The following GAL3ST2 variants were observed in gnomAD, a reference collection of about 807,000 sequenced individuals.
The protein encoded by GAL3ST2 is beta-galactose-3-O-sulfotransferase 2.
Under a neutral mutation model 12.9 loss-of-function variants are expected in GAL3ST2, and 16 were observed. That is an observed-to-expected ratio of 1.24 (90% CI 0.84 to 1.88). The LOEUF is 1.88. Ranked by LOEUF, GAL3ST2 falls within the 40% of genes most tolerant of loss-of-function variation. The probability of loss-of-function intolerance (pLI) is 0.00; values close to 1 mark genes in which losing one functional copy is unlikely to be tolerated. For missense variants in GAL3ST2, 639 were observed against 571.8 expected, an observed-to-expected ratio of 1.12 and a Z score of -1.20; for synonymous variants, 302 against 273.9, an observed-to-expected ratio of 1.10 and a Z score of -1.01.
chr2:241,802,183 A>C lies in GAL3ST2; in HGVS notation c.375+147A>C. Reference sequence around the variant, plus strand: ...GGCGGGTTGGGAGGGCCTGGGCCGCACGCCCTGCTGAGCCAACCCCTGCCC... The same window carrying C: ...GGCGGGTTGGGAGGGCCTGGGCCGCCCGCCCTGCTGAGCCAACCCCTGCCC... On this transcript the variant is annotated intron_variant, in intron 3 of 3. Transcript: ENST00000192314. This position sits in a 1 kb window ranked among gnomAD's most constrained non-coding sequence, Gnocchi z 4.8. 4 of 1,082,868 alleles carry C rather than the reference A, an allele frequency of 3.7e-6. No individual in the cohort carries two copies. Among genetic ancestry groups the C allele is most frequent in the Non-Finnish European group, 5.2e-6 (4 of 774,236 alleles). The allele number at this position is 1,082,868 out of a possible 1,614,324, so 67.1% of individuals were successfully genotyped here.
chr2:241,777,930 C>G (rs1482179826), intron 1 of GAL3ST2, among the ~76,000 whole-genome samples: 2 of 152,218 alleles, frequency 1.3e-5, no homozygotes, highest in Middle Eastern at 3.2e-3. Context: ...AGCTGAGACT[C>G]TGTGGGTGAG....
At chr2:241,786,139 T>TTG (rs141438054) in intron 1 of GAL3ST2, among the ~76,000 whole-genome samples, 4,779 of 145,872 alleles carry the variant, frequency 0.033, 90 homozygotes, top group African/African-American at 0.056. Context: ...CACACACCTT[T>TTG]TGTGTGTGTG....
Position 241,793,658 on chromosome 2 carries a change from A to G in GAL3ST2, c.30-5407A>G, listed in dbSNP as rs1283270832. Among the ~76,000 whole-genome samples, 5 of 147,890 alleles carry G rather than the reference A, an allele frequency of 3.4e-5. No homozygotes were observed. The highest frequency in any genetic ancestry group is 6.7e-5 in the Admixed American group (1 of 15,014). On this transcript the variant is annotated intron_variant, in intron 1 of 3. Transcript: ENST00000192314. This position sits in a 1 kb window ranked among gnomAD's most constrained non-coding sequence, Gnocchi z 4.7. Reference sequence around the variant, plus strand: ...TTGTGTGTACATATTGTGTATGCATATGTGTGTGTATGCACATATTGTGTA... The same window carrying G: ...TTGTGTGTACATATTGTGTATGCATGTGTGTGTGTATGCACATATTGTGTA...
rs886594269 is a variant in GAL3ST2, at chr2:241,800,771, T to G, written c.120-1010T>G. The stretch of plus-strand genomic sequence containing the variant: ...GCTGCACCTGCTTTAACGTTGTTCG[T>G]CTCAAGGCCAGCGTTTGGGTGTCAG... On this transcript the variant is annotated intron_variant, in intron 2 of 3. Coordinates refer to ENST00000192314, the MANE Select transcript of GAL3ST2 (RefSeq NM_022134.3). The surrounding 1 kb of genome is among the most constrained non-coding windows in gnomAD (Gnocchi z 5.2). 2.0e-4 allele frequency: 30 copies of G among 152,122 alleles called. No individual in the cohort carries two copies. Among genetic ancestry groups the G allele is most frequent in the African/African-American group, 6.8e-4 (28 of 41,406 alleles). The allele number at this position is 152,122 out of a possible 1,614,324, so 9.4% of individuals were successfully genotyped here.
In GAL3ST2 at chr2:241,798,682, G is replaced by A. The variant is rs74702801; in HGVS notation, c.30-383G>A. ...ACTCTCAGCCTCTCCAGATCCCCTG[G>A]GGGCCTGGGGGTCTCCGTCCCATAC... On this transcript the variant is annotated intron_variant, in intron 1 of 3. Transcript: ENST00000192314. Among the ~76,000 whole-genome samples the A allele has an allele frequency of 7.1e-3, 1,078 of 152,250 alleles. 12 individuals are homozygous for A. Among genetic ancestry groups the A allele is most frequent in the African/African-American group, 0.025 (1,028 of 41,538 alleles).
rs553324823 is a variant in GAL3ST2, at chr2:241,803,471, G to A, written c.502G>A (p.Asp168Asn). The A allele has an allele frequency of 7.4e-6, 12 of 1,611,814 alleles. No homozygotes were observed. In the South Asian group the frequency reaches 1.3e-4, roughly 18 times the overall value. Residue 168 changes from aspartate (D) to asparagine (N), a missense_variant, in exon 4 of 4, where the codon GAC becomes AAC. Transcript: ENST00000192314. ...APAFRGAPSL[D>N]AFLASPRTFY... ...CGCCTTCCGGGGCGCCCCGAGCCTG[G>A]ACGCGTTCCTGGCCTCGCCGCGGAC...
intron 1 of GAL3ST2, among the ~76,000 whole-genome samples, chr2:241,789,590 A>G (rs538319724): frequency 1.3e-5 from 2 of 152,344 alleles, no homozygotes; most frequent in South Asian, 4.1e-4. Flanking sequence ...GATCTATAAC[A>G]TGTACTTCTG....
chr2:241,803,442 C>G lies in GAL3ST2; in HGVS notation c.473C>G (p.Ala158Gly). 6.2e-7 allele frequency: 1 copy of G among 1,612,064 alleles called. No individual in the cohort carries two copies. Among genetic ancestry groups the G allele is most frequent in the Non-Finnish European group, 8.5e-7 (1 of 1,179,472 alleles). Residue 158 changes from alanine (A) to glycine (G), a missense_variant, in exon 4 of 4, where the codon GCC (alanine) becomes GGC (glycine). Physicochemically the swap from Ala to Gly is moderately conservative, Grantham distance 60. Transcript: ENST00000192314. The stretch of plus-strand genomic sequence containing the variant: ...TCCTTCATCTACTACAAAACCTACG[C>G]CCCCGCCTTCCGGGGCGCCCCGAGC... ...ESSFIYYKTYAPAFRGAPSLD... is the reference protein window; with the variant it reads ...ESSFIYYKTYGPAFRGAPSLD...
Position 241,801,349 on chromosome 2 carries a change from ACGGTCTCT to A in GAL3ST2, c.120-431_120-424del. The A allele has an allele frequency of 6.0e-6, 1 of 166,358 alleles. No individual in the cohort carries two copies. Among genetic ancestry groups the A allele is most frequent in the Non-Finnish European group, 1.3e-5 (1 of 78,678 alleles). The allele number at this position is 166,358 out of a possible 1,614,324, so 10.3% of individuals were successfully genotyped here. ...GGTGTAGATGTGCCACATTTTCTTT[ACGGTCTCT>A]ATGTAACATTCACACCCGGCAGCTG... On this transcript the variant is annotated intron_variant, in intron 2 of 3. Transcript: ENST00000192314. The surrounding 1 kb of genome is among the most constrained non-coding windows in gnomAD (Gnocchi z 4.4).
At chr2:241,785,515 G>A (rs1415456894) in intron 1 of GAL3ST2, among the ~76,000 whole-genome samples, 2 of 144,712 alleles carry the variant, frequency 1.4e-5, no homozygotes, top group East Asian at 4.0e-4. Context: ...TTGCACCACT[G>A]CACTCCAGCC....
At chr2:241,784,737 A>C in intron 1 of GAL3ST2, among the ~76,000 whole-genome samples, 1 of 152,234 alleles carries the variant, frequency 6.6e-6, no homozygotes, top group Non-Finnish European at 1.5e-5. Context: ...AGTACATCTT[A>C]CTGATTTATA....
chr2:241,789,138 A>C (rs1699666789), intron 1 of GAL3ST2, among the ~76,000 whole-genome samples: 1 of 152,000 alleles, frequency 6.6e-6, no homozygotes. Flanking sequence ...CCTTTTCCCC[A>C]TTTTCTTTTC....
rs953979446 is a variant in GAL3ST2, at chr2:241,800,894, AGCGTCTTATG to A, written c.120-884_120-875del. The A allele has an allele frequency of 1.3e-5, 2 of 152,186 alleles. No homozygotes were observed. The highest frequency in any genetic ancestry group is 2.9e-5 in the Non-Finnish European group (2 of 68,030). 9.4% of individuals were successfully genotyped at this position (152,186 alleles called of 1,614,324 possible). Reference sequence around the variant, plus strand: ...TGGCCTCAGGTCCCGTTGATAATGTAGCGTCTTATGGCCACAGTCAGTTCTGCTGGGCCAT... The same window carrying A: ...TGGCCTCAGGTCCCGTTGATAATGTAGCCACAGTCAGTTCTGCTGGGCCAT... On this transcript the variant is annotated intron_variant, in intron 2 of 3. Coordinates refer to ENST00000192314, the MANE Select transcript of GAL3ST2 (RefSeq NM_022134.3). The surrounding 1 kb of genome is among the most constrained non-coding windows in gnomAD (Gnocchi z 5.2).
At chr2:241,782,873 C>T (rs908800043) in intron 1 of GAL3ST2, among the ~76,000 whole-genome samples, 1 of 152,084 alleles carries the variant, frequency 6.6e-6, no homozygotes, top group African/African-American at 2.4e-5. Flanking sequence ...TATGGTGGCT[C>T]ACACCTGTAA....
intron 1 of GAL3ST2, among the ~76,000 whole-genome samples, chr2:241,787,994 G>A (rs1699648658): frequency 6.6e-6 from 1 of 152,118 alleles, no homozygotes; most frequent in Non-Finnish European, 1.5e-5. Flanking sequence ...ATAAAACCAC[G>A]TGTTTGCTTT....
Position 241,804,275 on chromosome 2 carries a change from G to T in GAL3ST2, c.*109G>T, listed in dbSNP as rs540275232. On this transcript the variant is annotated 3_prime_UTR_variant, in exon 4 of 4. Coordinates refer to ENST00000192314, the MANE Select transcript of GAL3ST2 (RefSeq NM_022134.3). The stretch of plus-strand genomic sequence containing the variant: ...GCTTCTGGGGCGTTGGGAAACCCAG[G>T]CCCGCCGGCCACGGCTCTAAAATGA... 87 of 963,198 alleles carry T rather than the reference G, an allele frequency of 9.0e-5. 2 individuals carry two copies. In the South Asian group the frequency reaches 2.1e-3, roughly 23 times the overall value. The allele number at this position is 963,198 out of a possible 1,614,324, so 59.7% of individuals were successfully genotyped here.
chr2:241,794,938 C>G (rs1283695598), intron 1 of GAL3ST2, among the ~76,000 whole-genome samples: 2 of 151,958 alleles, frequency 1.3e-5, no homozygotes, highest in Non-Finnish European at 2.9e-5. Flanking sequence ...TTTTTAACAG[C>G]CTTATTGAGA....
intron 1 of GAL3ST2, 41 bp from the exon 2 acceptor site, chr2:241,799,024 C>T (rs1249827849): frequency 6.5e-7 from 1 of 1,547,870 alleles, no homozygotes. Context: ...GTGGGGCTGG[C>T]ACGACCCGGA....
chr2:241,790,294 G>C (rs995991369), intron 1 of GAL3ST2, among the ~76,000 whole-genome samples: 4 of 152,132 alleles, frequency 2.6e-5, no homozygotes, highest in African/African-American at 9.7e-5. Flanking sequence ...ATATCAAGCA[G>C]AACAGGAGTT....
Sources: allele counts gnomAD v4.1 joint callset (sites outside exome capture counted in the v4.1 genomes callset), GRCh38; gene constraint gnomAD v4.1.1; non-coding constraint Gnocchi (gnomAD v3.1); transcripts MANE v1.5; gene names NCBI Gene and HGNC (gene_info 2026-07-23, HGNC 2026-07-21).